RNF144A: variants seen among roughly 807,000 people sequenced by gnomAD.
RNF144A encodes the protein E3 ubiquitin-protein ligase RNF144A.
A neutral mutation model predicts 38.7 loss-of-function variants in RNF144A; 11 were observed. The observed-to-expected ratio is 0.28, with a 90% CI of 0.18 to 0.47. The LOEUF (loss-of-function observed/expected upper bound fraction) is 0.47, where lower values mean the gene tolerates loss of function less well. RNF144A is among the 20% of genes least tolerant of loss of function. The probability of loss-of-function intolerance (pLI) is 0.99; values close to 1 mark genes in which losing one functional copy is unlikely to be tolerated. For synonymous variants in RNF144A, 149 were observed against 143.9 expected (o/e 1.04, Z -0.25); for missense variants, 316 against 377.2 (o/e 0.84, Z 1.34).
chr2:7,017,075 A>AG (rs1211841252), intron 5 of RNF144A, among the ~76,000 whole-genome samples: 3 of 152,096 alleles, frequency 2.0e-5, no homozygotes, highest in Non-Finnish European at 4.4e-5. Context: ...TTCTTGAGCG[A>AG]GGGGGTGTGG....
chr2:6,989,581 CT>C (rs1353177220), intron 2 of RNF144A, among the ~76,000 whole-genome samples: 4 of 152,198 alleles, frequency 2.6e-5, no homozygotes, highest in African/African-American at 9.7e-5. Flanking sequence ...TACCATGCCC[CT>C]GACCTCCTCA....
At chr2:7,011,527 A>G (rs1670801422) in intron 3 of RNF144A, among the ~76,000 whole-genome samples, 1 of 152,200 alleles carries the variant, frequency 6.6e-6, no homozygotes, top group African/African-American at 2.4e-5. Flanking sequence ...CTCATCTGTC[A>G]TGTGAGCATG....
chr2:7,052,105 A>AT (rs1301273197), intron 6 of RNF144A, among the ~76,000 whole-genome samples: 1 of 152,196 alleles, frequency 6.6e-6, no homozygotes, highest in East Asian at 1.9e-4. Context: ...AGAGGAACTC[A>AT]TAAGTTAACA....
At chr2:7,038,609 A>T (rs1041208040) in intron 8 of RNF144A, among the ~76,000 whole-genome samples, 5 of 152,116 alleles carry the variant, frequency 3.3e-5, no homozygotes, top group African/African-American at 1.2e-4. Flanking sequence ...AGAGAGAAGG[A>T]AGGGAAAGGA....
chr2:7,032,856 A>G (rs528219529), intron 8 of RNF144A, among the ~76,000 whole-genome samples: 58 of 152,248 alleles, frequency 3.8e-4, no homozygotes, highest in Admixed American at 1.6e-3. Flanking sequence ...AACAACACCT[A>G]CACCCCCCTC....
chr2:7,014,442 T>A lies in RNF144A; in HGVS notation c.136-12T>A, dbSNP rs1203551743. On this transcript the variant is annotated splice_polypyrimidine_tract_variant and intron_variant, in intron 3 of 8. Coordinates refer to ENST00000320892, the MANE Select transcript of RNF144A (RefSeq NM_014746.6). ...AAAGATGTTTATAGACACTTCTCTG[T>A]TTTTCTTTCAGTGCCTGAAACAGTA... The A allele has an allele frequency of 3.8e-6, 6 of 1,582,822 alleles. No individual in the cohort carries two copies. The highest frequency in any genetic ancestry group is 5.2e-6 in the Non-Finnish European group (6 of 1,151,736).
chr2:6,964,225 A>G (rs1446312047), intron 2 of RNF144A, among the ~76,000 whole-genome samples: 1 of 152,222 alleles, frequency 6.6e-6, no homozygotes, highest in African/African-American at 2.4e-5. Context: ...AAAAATACTC[A>G]TCATCACTGG....
intron 1 of RNF144A, among the ~76,000 whole-genome samples, chr2:6,927,337 G>A (rs941235209): frequency 6.6e-5 from 10 of 152,170 alleles, no homozygotes; most frequent in Non-Finnish European, 1.3e-4. Context: ...TCACTCCTGG[G>A]ACTCTCTCCC....
intron 2 of RNF144A, among the ~76,000 whole-genome samples, chr2:6,988,988 T>A (rs1026461591): frequency 2.0e-5 from 3 of 152,126 alleles, no homozygotes; most frequent in Non-Finnish European, 4.4e-5. Context: ...TGTTTGGACA[T>A]CCTCTAGCTC....
chr2:7,008,797 G>C (rs1670613928), intron 3 of RNF144A, among the ~76,000 whole-genome samples: 1 of 152,200 alleles, frequency 6.6e-6, no homozygotes, highest in Non-Finnish European at 1.5e-5. Context: ...ACCTCTGAAT[G>C]GCCAGGGAGC....
intron 2 of RNF144A, among the ~76,000 whole-genome samples, chr2:6,946,569 T>A (rs1193449118): frequency 6.6e-6 from 1 of 152,106 alleles, no homozygotes; most frequent in East Asian, 1.9e-4. Flanking sequence ...AACATTTCTT[T>A]GAATTTAAAA....
At chr2:6,966,381 C>T (rs561233692) in intron 2 of RNF144A, among the ~76,000 whole-genome samples, 2 of 152,104 alleles carry the variant, frequency 1.3e-5, no homozygotes, top group East Asian at 3.9e-4. Flanking sequence ...GAGTTATTCT[C>T]CAAATGTTGG....
In RNF144A at chr2:7,042,444, TG is replaced by T. The variant is rs1673105579; in HGVS notation, c.*2685del. The T allele has an allele frequency of 4.1e-6, 4 of 985,372 alleles. No individual in the cohort carries two copies. In the South Asian group the frequency reaches 1.9e-4, roughly 46 times the overall value. The allele number at this position is 985,372 out of a possible 1,614,324, so 61.0% of individuals were successfully genotyped here. A position where few individuals can be genotyped will look rare whatever the true frequency, so the allele number is the denominator to read the frequency against. On this transcript the variant is annotated 3_prime_UTR_variant, in exon 9 of 9. Transcript: ENST00000320892. ...GCAAGCCCCAGAAGCATATGGCATG[TG>T]TTCACTAAGAGGCCTTTAATCCTGG...
intron 1 of RNF144A, among the ~76,000 whole-genome samples, chr2:6,925,960 G>A (rs1558354377): frequency 6.6e-6 from 1 of 152,174 alleles, no homozygotes; most frequent in East Asian, 1.9e-4. Flanking sequence ...TTTGTGTTTG[G>A]ATGTGTTAGC....
intron 3 of RNF144A, among the ~76,000 whole-genome samples, chr2:7,006,456 G>A (rs529016746): frequency 1.8e-4 from 28 of 152,188 alleles, no homozygotes; most frequent in Admixed American, 5.2e-4. Flanking sequence ...TGTGTTTTGG[G>A]AAGGGACACC....
intron 2 of RNF144A, among the ~76,000 whole-genome samples, chr2:6,983,373 C>T (rs950952613): frequency 1.3e-5 from 2 of 152,142 alleles, no homozygotes; most frequent in Non-Finnish European, 2.9e-5. Flanking sequence ...TCTATGAGCT[C>T]AGGTTCTAAA....
chr2:6,946,201 G>T (rs1428809268), intron 2 of RNF144A, among the ~76,000 whole-genome samples: 2 of 152,202 alleles, frequency 1.3e-5, no homozygotes, highest in Non-Finnish European at 2.9e-5. Context: ...GAACTTCATA[G>T]ACACATGCAT....
In RNF144A at chr2:7,040,265, C is replaced by T; in HGVS notation, c.*505C>T. On this transcript the variant is annotated 3_prime_UTR_variant, in exon 9 of 9. Transcript: ENST00000320892. ...TTTTTAGAAGGTATTTTTTTTCCAACTGAGTAGTGAAAATCAACAAGGTGC... is the reference window on the plus strand; with the variant it reads ...TTTTTAGAAGGTATTTTTTTTCCAATTGAGTAGTGAAAATCAACAAGGTGC... The T allele has an allele frequency of 1.0e-6, 1 of 985,530 alleles. No individual in the cohort carries two copies. The highest frequency in any genetic ancestry group is 1.2e-6 in the Non-Finnish European group (1 of 830,048). 61.0% of individuals were successfully genotyped at this position (985,530 alleles called of 1,614,324 possible).
intron 2 of RNF144A, among the ~76,000 whole-genome samples, chr2:6,979,204 G>C (rs1668483798): frequency 6.6e-6 from 1 of 152,210 alleles, no homozygotes; most frequent in Non-Finnish European, 1.5e-5. Context: ...GCTGTGGGTT[G>C]ACCCTGAGCC....
Sources: allele counts gnomAD v4.1 joint callset (sites outside exome capture counted in the v4.1 genomes callset), GRCh38; gene constraint gnomAD v4.1.1; transcripts MANE v1.5; gene names NCBI Gene and HGNC (gene_info 2026-07-23, HGNC 2026-07-21).